ZNF654: variants seen among roughly 807,000 people sequenced by gnomAD.
ZNF654 encodes the protein zinc finger protein 654.
ZNF654 carries 19 observed loss-of-function variants against 95.3 expected under a neutral mutation model. The ratio of observed to expected loss-of-function variants is 0.20; its 90% CI spans 0.14 to 0.29. ZNF654 has a LOEUF of 0.29. Among genes scored for constraint, ZNF654 ranks in the 10% least tolerant of loss-of-function variants. The probability of loss-of-function intolerance (pLI) is 1.00; values close to 1 mark genes in which losing one functional copy is unlikely to be tolerated. For synonymous variants in ZNF654, 413 were observed against 457.9 expected (o/e 0.90, Z 1.25); for missense variants, 1,046 against 1,341.0 (o/e 0.78, Z 3.44).
chr3:88,105,661 T>C (rs1704692570), intron 2 of ZNF654, among the ~76,000 whole-genome samples: 2 of 152,204 alleles, frequency 1.3e-5, no homozygotes, highest in Admixed American at 1.3e-4. Flanking sequence ...TGTATATCTC[T>C]GACCTCATCA....
chr3:88,092,143 G>T (rs1703781231), intron 2 of ZNF654, among the ~76,000 whole-genome samples: 1 of 152,010 alleles, frequency 6.6e-6, no homozygotes, highest in Non-Finnish European at 1.5e-5. Context: ...CATACCAGAA[G>T]AAAAATGGGG....
At chr3:88,074,494 TC>T (rs1200269986) in intron 1 of ZNF654, among the ~76,000 whole-genome samples, 1 of 151,986 alleles carries the variant, frequency 6.6e-6, no homozygotes, top group Non-Finnish European at 1.5e-5. Flanking sequence ...GGCATCTGCC[TC>T]CATGCCTGGC....
At chr3:88,095,958 G>A (rs1576264118) in intron 2 of ZNF654, 2 of 327,486 alleles carry the variant, frequency 6.1e-6, no homozygotes, top group East Asian at 2.1e-4. Context: ...TGTGTGCTTG[G>A]TTTTCTTTCC....
In ZNF654 at chr3:88,063,433, T is replaced by C. The variant is rs541995669; in HGVS notation, c.186+3928T>C. 1.6e-3 allele frequency among the ~76,000 whole-genome samples: 247 copies of C among 152,292 alleles called. No individual in the cohort carries two copies. In the Middle Eastern group the frequency reaches 0.017, roughly 10 times the overall value. On this transcript the variant is annotated intron_variant, in intron 1 of 8. Coordinates refer to ENST00000636215, the MANE Select transcript of ZNF654 (RefSeq NM_001350134.2). ...TTCACAGAAAAGAGAGTTTGTCCCATGGTATTATAAAATACATTCTAATGT... is the reference window on the plus strand; with the variant it reads ...TTCACAGAAAAGAGAGTTTGTCCCACGGTATTATAAAATACATTCTAATGT...
chr3:88,062,579 A>G (rs1180509295), intron 1 of ZNF654, among the ~76,000 whole-genome samples: 1 of 152,206 alleles, frequency 6.6e-6, no homozygotes, highest in Admixed American at 6.5e-5. Flanking sequence ...TAATAATTCA[A>G]TTTGTCACCA....
At chr3:88,092,421 T>C (rs1254712987) in intron 2 of ZNF654, among the ~76,000 whole-genome samples, 2 of 152,090 alleles carry the variant, frequency 1.3e-5, no homozygotes, top group African/African-American at 2.4e-5. Context: ...AATTACAGAA[T>C]GCAATGAGAG....
chr3:88,137,892 G>GATATATAT (rs1338465918), intron 7 of ZNF654, among the ~76,000 whole-genome samples: 10 of 151,712 alleles, frequency 6.6e-5, no homozygotes, highest in African/African-American at 2.2e-4. Context: ...TAGGCAGTAT[G>GATATATAT]ATATATATAC....
At chr3:88,112,624 T>A (rs1705160510) in intron 2 of ZNF654, among the ~76,000 whole-genome samples, 1 of 152,082 alleles carries the variant, frequency 6.6e-6, no homozygotes, top group Non-Finnish European at 1.5e-5. Flanking sequence ...GTTGTTAGTA[T>A]ATGCTATAAT....
intron 1 of ZNF654, among the ~76,000 whole-genome samples, chr3:88,070,855 A>G (rs1707472385): frequency 6.6e-6 from 1 of 152,212 alleles, no homozygotes; most frequent in Admixed American, 6.5e-5. Context: ...CTTAAGACAC[A>G]CAGCTAGAAA....
In ZNF654 at chr3:88,091,460, T is replaced by G. The variant is rs540300491; in HGVS notation, c.332+5058T>G. On this transcript the variant is annotated intron_variant, in intron 2 of 8. Transcript: ENST00000636215. ...GCTGTTTCAGTGCCTATTGGAATTT[T>G]TTCCCTCTTTCATCTATATAATCTT... Among the ~76,000 whole-genome samples the G allele has an allele frequency of 1.5e-4, 23 of 152,312 alleles. No individual in the cohort carries two copies. In the South Asian group the frequency reaches 3.5e-3, roughly 23 times the overall value.
rs368366705 is a variant in ZNF654, at chr3:88,098,501, T to C, written c.332+12099T>C. ...TTTTATGAGGCCAGCATCATCCTGA[T>C]ACTAAAGCCTGGCAGAGACACAACA... is the stretch of plus-strand genomic sequence containing the variant. On this transcript the variant is annotated intron_variant, in intron 2 of 8. Transcript: ENST00000636215. Among the ~76,000 whole-genome samples the C allele has an allele frequency of 3.9e-5, 6 of 152,280 alleles. No homozygotes were observed. The South Asian group carries it at 1.0e-3, about 26-fold the overall frequency.
chr3:88,141,204 A>C (rs1162520400), intron 8 of ZNF654, 156 bp downstream of exon 8: 14 of 805,780 alleles, frequency 1.7e-5, no homozygotes, highest in Non-Finnish European at 2.4e-5. Flanking sequence ...ACATACAACC[A>C]CTATGAGGTG....
chr3:88,079,957 T>G (rs1707997014), intron 1 of ZNF654, among the ~76,000 whole-genome samples: 1 of 152,124 alleles, frequency 6.6e-6, no homozygotes, highest in Admixed American at 6.5e-5. Context: ...TTGGTGTTTT[T>G]TTTTAAAACA....
chr3:88,086,639 C>T (rs1708348727), intron 2 of ZNF654, among the ~76,000 whole-genome samples: 1 of 152,124 alleles, frequency 6.6e-6, no homozygotes, highest in Non-Finnish European at 1.5e-5. Flanking sequence ...ACTACAAGCA[C>T]TTTACTTTCC....
At chr3:88,115,255 T>C (rs1279632823) in intron 3 of ZNF654, among the ~76,000 whole-genome samples, 1 of 152,208 alleles carries the variant, frequency 6.6e-6, no homozygotes, top group Non-Finnish European at 1.5e-5. Context: ...AAGGTATTCT[T>C]TGTTGGATTT....
chr3:88,063,057 C>T (rs1254397568), intron 1 of ZNF654, among the ~76,000 whole-genome samples: 3 of 152,128 alleles, frequency 2.0e-5, no homozygotes, highest in Non-Finnish European at 4.4e-5. Flanking sequence ...ACAACTGTGG[C>T]GGGGTTCTCA....
At position 88,139,218 on chromosome 3, in the gene ZNF654, G is replaced by T; in HGVS notation, c.1549G>T (p.Gly517Ter). ...TGETDPDDVSGVQPKGHINTK... is the reference protein window; with the variant it reads ...TGETDPDDVS Reference sequence around the variant, plus strand: ...AGAGACTGATCCTGATGATGTATCTGGAGTGCAGCCTAAAGGTCATATTAA... The same window carrying T: ...AGAGACTGATCCTGATGATGTATCTTGAGTGCAGCCTAAAGGTCATATTAA... The change falls in exon 8 of 9, where the codon GGA (glycine) becomes TGA (stop). Residue 517 changes from glycine (G) to a stop codon, truncating the protein, a stop_gained. Transcript: ENST00000636215. LOFTEE classifies it high-confidence loss of function. 1 of 1,474,126 alleles carries T rather than the reference G, an allele frequency of 6.8e-7. No individual in the cohort carries two copies. Among genetic ancestry groups the T allele is most frequent in the East Asian group, 2.4e-5 (1 of 41,668 alleles). The allele number at this position is 1,474,126 out of a possible 1,614,324, so 91.3% of individuals were successfully genotyped here. A position where few individuals can be genotyped will look rare whatever the true frequency, so the allele number is the denominator to read the frequency against.
chr3:88,078,993 T>A (rs1707950537), intron 1 of ZNF654, among the ~76,000 whole-genome samples: 1 of 152,072 alleles, frequency 6.6e-6, no homozygotes, highest in African/African-American at 2.4e-5. Context: ...AGCTAATGTA[T>A]TGGCTAAAAA....
chr3:88,084,890 A>G (rs1218812326), intron 1 of ZNF654, among the ~76,000 whole-genome samples: 1 of 152,198 alleles, frequency 6.6e-6, no homozygotes, highest in Non-Finnish European at 1.5e-5. Context: ...AGGAACCTCA[A>G]GTTTAAGGAA....
Sources: gnomAD v4.1 joint callset for allele counts (sites outside exome capture counted in the v4.1 genomes callset) on GRCh38, gnomAD v4.1.1 for gene constraint, MANE v1.5 for transcripts, NCBI Gene and HGNC (gene_info 2026-07-23, HGNC 2026-07-21) for gene names.